EPHA6: variants seen among roughly 807,000 people sequenced by gnomAD.
The protein encoded by EPHA6 is ephrin type-A receptor 6.
A neutral mutation model predicts 112.0 loss-of-function variants in EPHA6; 50 were observed. The observed-to-expected ratio is 0.45, with a 90% CI of 0.36 to 0.56. The LOEUF (loss-of-function observed/expected upper bound fraction) is 0.56, where lower values mean the gene tolerates loss of function less well. Among genes scored for constraint, EPHA6 ranks in the 20% least tolerant of loss-of-function variants. The pLI is 0.00. For missense variants in EPHA6, 1,280 were observed against 1,417.4 expected, an observed-to-expected ratio of 0.90 and a Z score of 1.56; for synonymous variants, 529 against 490.7, an observed-to-expected ratio of 1.08 and a Z score of -1.03.
chr3:97,454,356 C>T (rs937345419), intron 7 of EPHA6, among the ~76,000 whole-genome samples: 10 of 151,408 alleles, frequency 6.6e-5, no homozygotes, highest in African/African-American at 2.4e-4. Context: ...TACATGTAAT[C>T]AAATAAATAA....
chr3:97,634,912 A>T (rs2093932884), intron 13 of EPHA6, among the ~76,000 whole-genome samples: 1 of 151,124 alleles, frequency 6.6e-6, no homozygotes, highest in East Asian at 2.0e-4. Context: ...TTACTGCTTC[A>T]CCAAGGACAT....
chr3:97,093,736 CCT>C (rs2047147383), intron 3 of EPHA6, among the ~76,000 whole-genome samples: 2 of 151,996 alleles, frequency 1.3e-5, no homozygotes, highest in African/African-American at 4.8e-5. Context: ...ATGATGACTT[CCT>C]TCTCCGTCTC....
intron 6 of EPHA6, among the ~76,000 whole-genome samples, chr3:97,427,236 C>T (rs1025152544): frequency 2.0e-5 from 3 of 152,188 alleles, no homozygotes; most frequent in Middle Eastern, 3.2e-3. Flanking sequence ...AAGACACATG[C>T]TTGCTTATGT....
At position 97,668,911 on chromosome 3, in the gene EPHA6, C is replaced by CAAAAAAAAAAA. The variant is rs397990599; in HGVS notation, c.2784+30852_2784+30862dup. Among the ~76,000 whole-genome samples the CAAAAAAAAAAA allele has an allele frequency of 2.2e-4, 7 of 31,914 alleles. 2 individuals carry two copies. Among genetic ancestry groups the CAAAAAAAAAAA allele is most frequent in the Non-Finnish European group, 2.7e-4 (5 of 18,816 alleles). The allele number at this position is 31,914 out of a possible 152,430, so 20.9% of individuals were successfully genotyped here. On this transcript the variant is annotated intron_variant, in intron 14 of 17. Transcript: ENST00000389672. ...TGTGTGACAGAGTGAGACTCTGTCT[C>CAAAAAAAAAAA]AAAAAAAAAAAAAAAAAAAAAAAAA...
At chr3:97,425,773 T>A (rs564813959) in intron 6 of EPHA6, among the ~76,000 whole-genome samples, 2 of 152,312 alleles carry the variant, frequency 1.3e-5, no homozygotes, top group African/African-American at 4.8e-5. Flanking sequence ...CAAACTGTTA[T>A]GCTCTGCTTC....
At chr3:97,553,107 A>C (rs1263049072) in intron 11 of EPHA6, among the ~76,000 whole-genome samples, 1 of 152,122 alleles carries the variant, frequency 6.6e-6, no homozygotes, top group Non-Finnish European at 1.5e-5. Context: ...ATCTTTATAC[A>C]AAAAGTTTTG....
intron 3 of EPHA6, among the ~76,000 whole-genome samples, chr3:97,103,042 G>A (rs951916229): frequency 1.3e-5 from 2 of 151,960 alleles, no homozygotes; most frequent in African/African-American, 4.8e-5. Context: ...TTTGTCAGAG[G>A]CACAGTGTGC....
intron 3 of EPHA6, among the ~76,000 whole-genome samples, chr3:97,169,688 C>A (rs2076639060): frequency 6.6e-6 from 1 of 152,086 alleles, no homozygotes; most frequent in African/African-American, 2.4e-5. Context: ...TAAAATGCAG[C>A]CATTTATGTA....
intron 3 of EPHA6, among the ~76,000 whole-genome samples, chr3:97,089,051 T>G (rs1427610249): frequency 6.6e-6 from 1 of 152,122 alleles, no homozygotes; most frequent in Non-Finnish European, 1.5e-5. Flanking sequence ...CAAGGTTATT[T>G]GCCAAATCTT....
chr3:96,975,099 G>T (rs1387836861), intron 2 of EPHA6, among the ~76,000 whole-genome samples: 3 of 152,086 alleles, frequency 2.0e-5, no homozygotes, highest in Non-Finnish European at 2.9e-5. Context: ...TTTGGTGTTT[G>T]CTTAGTTTGA....
chr3:96,974,208 TATTA>T (rs1426796747), intron 2 of EPHA6, among the ~76,000 whole-genome samples: 5 of 147,378 alleles, frequency 3.4e-5, no homozygotes, highest in African/African-American at 1.2e-4. Flanking sequence ...AAAATTATAT[TATTA>T]ATTATTGATA....
intron 3 of EPHA6, among the ~76,000 whole-genome samples, chr3:97,214,910 T>C (rs538046843): frequency 1.4e-4 from 21 of 152,200 alleles, no homozygotes; most frequent in Non-Finnish European, 3.1e-4. Context: ...CAATATTTAT[T>C]GTACAGCAGC....
intron 14 of EPHA6, among the ~76,000 whole-genome samples, chr3:97,717,434 T>C (rs1038888453): frequency 2.0e-5 from 3 of 152,306 alleles, no homozygotes; most frequent in African/African-American, 7.2e-5. Flanking sequence ...CTCACAGTTC[T>C]AGAGGCTGGA....
At chr3:97,067,231 C>T (rs2046205385) in intron 3 of EPHA6, among the ~76,000 whole-genome samples, 1 of 152,076 alleles carries the variant, frequency 6.6e-6, no homozygotes, top group Non-Finnish European at 1.5e-5. Flanking sequence ...CATAAATTCA[C>T]ATCCTATAAT....
At chr3:97,103,965 A>T (rs1240967528) in intron 3 of EPHA6, among the ~76,000 whole-genome samples, 1 of 152,082 alleles carries the variant, frequency 6.6e-6, no homozygotes, top group Non-Finnish European at 1.5e-5. Context: ...ATTGATATAT[A>T]GGAATGCTTG....
intron 2 of EPHA6, among the ~76,000 whole-genome samples, chr3:96,885,803 A>G (rs780793518): frequency 2.6e-5 from 4 of 151,820 alleles, no homozygotes; most frequent in South Asian, 4.2e-4. Context: ...TAGTTCCTAG[A>G]GGTGTAACCT....
intron 12 of EPHA6, among the ~76,000 whole-genome samples, chr3:97,596,882 A>ATATATACACATATATATATATATATGTG (rs2093597588): frequency 4.0e-5 from 5 of 123,868 alleles, no homozygotes; most frequent in African/African-American, 1.5e-4. Context: ...TGGAATATAT[A>ATATATACACATATATATATATATATGTG]TATATATATA....
intron 5 of EPHA6, among the ~76,000 whole-genome samples, chr3:97,282,791 A>G (rs1341509233): frequency 6.6e-6 from 1 of 152,202 alleles, no homozygotes; most frequent in Non-Finnish European, 1.5e-5. Context: ...AACAATGACA[A>G]CACATGGACA....
At chr3:96,818,584 C>T (rs1265549194) in intron 1 of EPHA6, among the ~76,000 whole-genome samples, 1 of 151,782 alleles carries the variant, frequency 6.6e-6, no homozygotes. Flanking sequence ...ATAAATATAT[C>T]TAAGCAGAAA....
Sources: allele counts gnomAD v4.1 joint callset (sites outside exome capture counted in the v4.1 genomes callset), GRCh38; gene constraint gnomAD v4.1.1; transcripts MANE v1.5; gene names NCBI Gene and HGNC (gene_info 2026-07-23, HGNC 2026-07-21).